KIAA1549: variants seen among roughly 807,000 people sequenced by gnomAD.
KIAA1549 encodes the protein KIAA1549, also known as UPF0606 protein KIAA1549.
KIAA1549 carries 70 observed loss-of-function variants against 156.4 expected under a neutral mutation model. That is an observed-to-expected ratio of 0.45 (90% CI 0.37 to 0.55). KIAA1549 has a LOEUF of 0.55. KIAA1549 is among the 20% of genes least tolerant of loss of function. KIAA1549 has a pLI of 0.00. For synonymous variants in KIAA1549, 1,103 were observed against 1,066.4 expected (o/e 1.03, Z -0.67); for missense variants, 2,428 against 2,540.9 (o/e 0.96, Z 0.96).
chr7:138,850,832 G>A (rs1261904192), intron 17 of KIAA1549, among the ~76,000 whole-genome samples: 3 of 152,008 alleles, frequency 2.0e-5, no homozygotes, highest in Non-Finnish European at 4.4e-5. Flanking sequence ...TTATAGTTTT[G>A]GGTTTTATCT....
At chr7:138,962,505 C>G (rs1038395220) in intron 1 of KIAA1549, among the ~76,000 whole-genome samples, 1 of 152,180 alleles carries the variant, frequency 6.6e-6, no homozygotes, top group Non-Finnish European at 1.5e-5. Flanking sequence ...GGGCCGCTAG[C>G]TCCTGCTTCA....
intron 2 of KIAA1549, among the ~76,000 whole-genome samples, 178 bp downstream of exon 2, chr7:138,916,570 G>C (rs527512211): frequency 7.2e-5 from 11 of 152,348 alleles, no homozygotes; most frequent in African/African-American, 2.6e-4. Context: ...GACGATTAGA[G>C]AGGATAAATA....
At chr7:138,901,478 A>C (rs1267145873) in intron 8 of KIAA1549, among the ~76,000 whole-genome samples, 2 of 152,074 alleles carry the variant, frequency 1.3e-5, no homozygotes, top group Non-Finnish European at 2.9e-5. Context: ...GGCACACACC[A>C]CCATGCCCAG....
At chr7:138,875,374 G>C (rs1811052737) in intron 12 of KIAA1549, among the ~76,000 whole-genome samples, 1 of 152,194 alleles carries the variant, frequency 6.6e-6, no homozygotes, top group South Asian at 2.1e-4. Flanking sequence ...GCTGGGCATA[G>C]TGGCTCATGC....
intron 4 of KIAA1549, 32 bp downstream of exon 4, chr7:138,911,114 C>T: frequency 2.2e-6 from 3 of 1,371,842 alleles, no homozygotes; most frequent in South Asian, 1.6e-5. Context: ...ATTCTTTTTA[C>T]AAATAAAAAC....
At position 138,930,557 on chromosome 7, in the gene KIAA1549, T is replaced by C. The variant is rs149701080; in HGVS notation, c.188-11119A>G. Among the ~76,000 whole-genome samples, 509 of 152,362 alleles carry C rather than the reference T, an allele frequency of 3.3e-3. 3 individuals are homozygous for C. The highest frequency in any genetic ancestry group is 0.011 in the African/African-American group (477 of 41,584). ...TTTGCTGTTACACCTTGTACTTCTA[T>C]GTACGGAGAAGCTTCTTTCCTTAAA... On this transcript the variant is annotated intron_variant, in intron 1 of 19. Coordinates refer to ENST00000422774, the MANE Select transcript of KIAA1549 (RefSeq NM_001164665.2).
At chr7:138,920,644 G>A (rs908156445) in intron 1 of KIAA1549, among the ~76,000 whole-genome samples, 3 of 152,190 alleles carry the variant, frequency 2.0e-5, no homozygotes, top group Non-Finnish European at 4.4e-5. Context: ...ATAGCCTAGA[G>A]AAAAAGGACA....
At chr7:138,874,474 A>C (rs1014383496) in intron 12 of KIAA1549, among the ~76,000 whole-genome samples, 36 of 152,242 alleles carry the variant, frequency 2.4e-4, no homozygotes, top group Middle Eastern at 3.2e-3. Context: ...TACACATATC[A>C]AAACATCATC....
At chr7:138,845,035 A>C (rs567121198) in intron 17 of KIAA1549, among the ~76,000 whole-genome samples, 87 of 152,266 alleles carry the variant, frequency 5.7e-4, no homozygotes, top group African/African-American at 1.9e-3. Flanking sequence ...AGCGGATCGC[A>C]AACTTTTTTT....
intron 1 of KIAA1549, among the ~76,000 whole-genome samples, chr7:138,960,993 C>T (rs1813828883): frequency 6.6e-6 from 1 of 152,232 alleles, no homozygotes; most frequent in African/African-American, 2.4e-5. Context: ...CCCATGCCCT[C>T]ATAACCTCTC....
At chr7:138,873,175 T>C (rs1390829744) in intron 12 of KIAA1549, among the ~76,000 whole-genome samples, 1 of 152,152 alleles carries the variant, frequency 6.6e-6, no homozygotes, top group Non-Finnish European at 1.5e-5. Context: ...GCTATGTAAA[T>C]CTGTATTTTC....
intron 10 of KIAA1549, among the ~76,000 whole-genome samples, chr7:138,891,115 T>A (rs998343882): frequency 6.6e-6 from 1 of 152,230 alleles, no homozygotes; most frequent in African/African-American, 2.4e-5. Context: ...GATGTCTGCT[T>A]TCGGATGGCT....
intron 10 of KIAA1549, among the ~76,000 whole-genome samples, chr7:138,888,058 T>C (rs1487251783): frequency 2.0e-5 from 3 of 152,212 alleles, no homozygotes; most frequent in Admixed American, 2.0e-4. Flanking sequence ...TTTATCTGTC[T>C]ATGTGACAAC....
intron 1 of KIAA1549, among the ~76,000 whole-genome samples, chr7:138,942,354 TTCAGGAG>T (rs1309576640): frequency 1.3e-5 from 2 of 151,680 alleles, no homozygotes; most frequent in African/African-American, 4.8e-5. Context: ...GCCTATCAAC[TTCAGGAG>T]GTTTAAACAA....
chr7:138,918,227 C>T lies in KIAA1549; in HGVS notation c.1399G>A (p.Val467Ile), dbSNP rs61736034. 1.0e-3 allele frequency: 1,692 copies of T among 1,614,008 alleles called. 16 individuals are homozygous for T. In the African/African-American group the frequency reaches 0.019, roughly 18 times the overall value. ...EESSISLMSS[V>I]VADFSEFEED... ...TCAAATTCAGAGAAGTCTGCTACGA[C>T]GCTACTCATTAGAGAGATGCTGCTT... is the stretch of plus-strand genomic sequence containing the variant. The change falls in exon 2 of 20, where the codon GTC becomes ATC. Residue 467 changes from valine (V) to isoleucine (I), a missense_variant. Transcript: ENST00000422774. The surrounding 1 kb of genome is among the most constrained non-coding windows in gnomAD (Gnocchi z 4.2).
rs1272010687 is a variant in KIAA1549, at chr7:138,970,353, G to A, written c.187+10730C>T. On this transcript the variant is annotated intron_variant, in intron 1 of 19. Transcript: ENST00000422774. ...AGGACTGGACTAAAGGCTTGTGACC[G>A]TGCTCAGGGCAGGGGCAGTTCTCTG... 3.3e-5 allele frequency among the ~76,000 whole-genome samples: 5 copies of A among 152,306 alleles called. No individual in the cohort carries two copies. The South Asian group carries it at 6.2e-4, about 19-fold the overall frequency.
chr7:138,857,367 T>G (rs150039901), intron 16 of KIAA1549, among the ~76,000 whole-genome samples: 49 of 152,374 alleles, frequency 3.2e-4, no homozygotes, highest in Middle Eastern at 3.4e-3. Context: ...TATTATGTGC[T>G]GCTGTTTTCT....
chr7:138,965,135 A>G (rs1378726106), intron 1 of KIAA1549, among the ~76,000 whole-genome samples: 2 of 151,866 alleles, frequency 1.3e-5, no homozygotes, highest in Non-Finnish European at 2.9e-5. Flanking sequence ...AATTTTTTAC[A>G]TCGGGGTTAG....
intron 19 of KIAA1549, among the ~76,000 whole-genome samples, chr7:138,839,857 G>A (rs1193781255): frequency 7.9e-6 from 1 of 127,004 alleles, no homozygotes; most frequent in South Asian, 2.6e-4. Flanking sequence ...GCACGATCTC[G>A]GCTTAGTGCA....
Sources: gnomAD v4.1 joint callset for allele counts (sites outside exome capture counted in the v4.1 genomes callset) on GRCh38, gnomAD v4.1.1 for gene constraint, Gnocchi (gnomAD v3.1) non-coding constraint, MANE v1.5 for transcripts, NCBI Gene and HGNC (gene_info 2026-07-23, HGNC 2026-07-21) for gene names.